MTX2: variants seen among roughly 807,000 people sequenced by gnomAD.
MTX2 encodes metaxin-2.
Under a neutral mutation model 42.3 loss-of-function variants are expected in MTX2, and 35 were observed. That is an observed-to-expected ratio of 0.83 (90% CI 0.63 to 1.10). MTX2 has a LOEUF of 1.10. MTX2 is among the 50% of genes least tolerant of loss of function. The probability of loss-of-function intolerance (pLI) is 0.00; values close to 1 mark genes in which losing one functional copy is unlikely to be tolerated. For synonymous variants in MTX2, 119 were observed against 100.9 expected (o/e 1.18, Z -1.08); for missense variants, 307 against 304.1 (o/e 1.01, Z -0.07).
At chr2:176,279,032 T>C (rs942281832) in intron 1 of MTX2, among the ~76,000 whole-genome samples, 1 of 152,218 alleles carries the variant, frequency 6.6e-6, no homozygotes, top group Non-Finnish European at 1.5e-5. Context: ...AATCATTTTG[T>C]CATGACAATT....
chr2:176,319,442 CT>C (rs71004269), intron 3 of MTX2, among the ~76,000 whole-genome samples: 65,645 of 130,370 alleles, frequency 0.5, 14,979 homozygotes, highest in Admixed American at 0.6. Context: ...TTTGGCTTTG[CT>C]TTTTTTTTTT....
chr2:176,295,216 T>C (rs1296924226), intron 1 of MTX2, among the ~76,000 whole-genome samples: 2 of 152,164 alleles, frequency 1.3e-5, no homozygotes, highest in East Asian at 3.8e-4. Flanking sequence ...TATGCTTTAT[T>C]GCTAGTAAGA....
Position 176,269,497 on chromosome 2 carries a change from GT to G in MTX2, c.-131del. 1 of 1,006,728 alleles carries G rather than the reference GT, an allele frequency of 9.9e-7. No homozygotes were observed. The highest frequency in any genetic ancestry group is 1.4e-6 in the Non-Finnish European group (1 of 722,872). The allele number at this position is 1,006,728 out of a possible 1,614,324, so 62.4% of individuals were successfully genotyped here. On this transcript the variant is annotated 5_prime_UTR_variant, in exon 1 of 10. Transcript: ENST00000249442. ...GGGCCTCACTGCAGCCGCCGCTGCTGTTGGAGTGGGCTTTGCGAGTCTGAAC... is the reference window on the plus strand; with the variant it reads ...GGGCCTCACTGCAGCCGCCGCTGCTGTGGAGTGGGCTTTGCGAGTCTGAAC...
At chr2:176,326,694 A>C (rs1684714635) in intron 4 of MTX2, 131 bp from the exon 5 acceptor site, 3 of 581,624 alleles carry the variant, frequency 5.2e-6, no homozygotes, top group South Asian at 2.6e-5. Flanking sequence ...TCTGACAAAA[A>C]TTTTCAAAAG....
intron 1 of MTX2, among the ~76,000 whole-genome samples, chr2:176,286,597 T>C (rs1022305022): frequency 1.3e-5 from 2 of 151,920 alleles, no homozygotes; most frequent in African/African-American, 4.8e-5. Flanking sequence ...TTGCCCAGGC[T>C]GGAGTGCAGT....
intron 3 of MTX2, among the ~76,000 whole-genome samples, chr2:176,299,248 A>G (rs549402561): frequency 2.7e-4 from 41 of 152,218 alleles, no homozygotes; most frequent in Middle Eastern, 3.4e-3. Context: ...TGGTCCCTGC[A>G]CAACAAAGAA....
At position 176,329,437 on chromosome 2, in the gene MTX2, G is replaced by T; in HGVS notation, c.543+11G>T. On this transcript the variant is annotated intron_variant, in intron 8 of 9. Coordinates refer to ENST00000249442, the MANE Select transcript of MTX2 (RefSeq NM_006554.5). ...AAGACTCTGGACCAGGTCAGTTCAG[G>T]TTGAAGTTGACAAAACCCTCAACTT... 2 of 1,596,888 alleles carry T rather than the reference G, an allele frequency of 1.3e-6. No homozygotes were observed. Among genetic ancestry groups the T allele is most frequent in the Non-Finnish European group, 1.7e-6 (2 of 1,170,662 alleles).
At chr2:176,282,498 G>A (rs761375912) in intron 1 of MTX2, among the ~76,000 whole-genome samples, 6 of 151,632 alleles carry the variant, frequency 4.0e-5, no homozygotes, top group African/African-American at 7.3e-5. Context: ...GGCATGCTTT[G>A]GATTATTTTT....
At chr2:176,288,329 G>GT (rs1361697968) in intron 1 of MTX2, among the ~76,000 whole-genome samples, 2 of 151,924 alleles carry the variant, frequency 1.3e-5, no homozygotes, top group East Asian at 3.8e-4. Flanking sequence ...TTTGAGTATG[G>GT]TGTCTATGTT....
chr2:176,271,489 G>A (rs977981350), intron 1 of MTX2, among the ~76,000 whole-genome samples: 1 of 152,124 alleles, frequency 6.6e-6, no homozygotes, highest in Admixed American at 6.5e-5. Flanking sequence ...AAGGACAAAG[G>A]ATTGGAACAG....
intron 1 of MTX2, among the ~76,000 whole-genome samples, chr2:176,273,328 G>C (rs1692867995): frequency 6.6e-6 from 1 of 152,206 alleles, no homozygotes; most frequent in Non-Finnish European, 1.5e-5. Context: ...TGTTTGACTT[G>C]TAAATGACTT....
intron 9 of MTX2, among the ~76,000 whole-genome samples, chr2:176,334,745 A>G (rs1462032658): frequency 2.0e-5 from 3 of 151,980 alleles, no homozygotes; most frequent in Non-Finnish European, 2.9e-5. Flanking sequence ...TAATTCATGT[A>G]TTTATTCGGC....
intron 9 of MTX2, 49 bp downstream of exon 9, chr2:176,330,709 C>G (rs1684844065): frequency 7.8e-7 from 1 of 1,276,920 alleles, no homozygotes. Context: ...TGTTAGGTTG[C>G]AAATTTCTTT....
rs2105447694 is a variant in MTX2 at position 176,331,928 on chromosome 2, AACTT to A, written c.620+1273_620+1276del. Reference sequence around the variant, plus strand: ...TAGAGGAGGCCAGGAGAATAGATCTAACTTACTTTTCTTCTCAGTTAAACTCATT... The same window carrying A: ...TAGAGGAGGCCAGGAGAATAGATCTAACTTTTCTTCTCAGTTAAACTCATT... On this transcript the variant is annotated intron_variant, in intron 9 of 9. Transcript: ENST00000249442. Among the ~76,000 whole-genome samples the A allele has an allele frequency of 2.0e-5, 3 of 151,412 alleles. No individual in the cohort carries two copies. In the East Asian group the frequency reaches 5.8e-4, roughly 29 times the overall value.
intron 1 of MTX2, among the ~76,000 whole-genome samples, chr2:176,294,278 C>CTT (rs750682515): frequency 9.6e-5 from 12 of 125,296 alleles, no homozygotes; most frequent in East Asian, 4.4e-4. Flanking sequence ...GATGAATTAA[C>CTT]TTTTTTTTTT....
At chr2:176,322,994 A>G (rs537305700) in intron 3 of MTX2, among the ~76,000 whole-genome samples, 8 of 152,006 alleles carry the variant, frequency 5.3e-5, no homozygotes, top group Admixed American at 4.6e-4. Flanking sequence ...GAGGAAGATG[A>G]TGATCCTATA....
intron 2 of MTX2, 68 bp downstream of exon 2, chr2:176,296,975 A>C: frequency 6.9e-7 from 1 of 1,443,552 alleles, no homozygotes; most frequent in South Asian, 1.1e-5. Context: ...AATCCTCAGT[A>C]ATACAATTTA....
At chr2:176,323,612 C>A (rs1039815568) in intron 4 of MTX2, 148 bp downstream of exon 4, 6 of 684,410 alleles carry the variant, frequency 8.8e-6, no homozygotes, top group Non-Finnish European at 1.2e-5. Context: ...GTAACAATTG[C>A]AAATTTGACA....
intron 1 of MTX2, among the ~76,000 whole-genome samples, chr2:176,281,997 A>G (rs6433578): frequency 1 from 152,050 of 152,280 alleles, 75,910 homozygotes; most frequent in East Asian, 1. Context: ...TGTGTCTTTG[A>G]TTAGGAACCA....
Sources: gnomAD v4.1 joint callset for allele counts (sites outside exome capture counted in the v4.1 genomes callset) on GRCh38, gnomAD v4.1.1 for gene constraint, MANE v1.5 for transcripts, NCBI Gene and HGNC (gene_info 2026-07-23, HGNC 2026-07-21) for gene names.